Variants in SLC30A9 observed in about 807,000 individuals in gnomAD.
SLC30A9 encodes proton-coupled zinc antiporter SLC30A9, mitochondrial.
A neutral mutation model predicts 87.5 loss-of-function variants in SLC30A9; 58 were observed. The ratio of observed to expected loss-of-function variants is 0.66; its 90% CI spans 0.54 to 0.82. The LOEUF is 0.82. Among genes scored for constraint, SLC30A9 ranks in the 40% least tolerant of loss-of-function variants. The pLI, the probability that SLC30A9 is intolerant of heterozygous loss-of-function variation, is 0.00. For missense variants in SLC30A9, 557 were observed against 679.1 expected, an observed-to-expected ratio of 0.82 and a Z score of 2.00; for synonymous variants, 234 against 233.0, an observed-to-expected ratio of 1.00 and a Z score of -0.04.
chr4:42,049,370 CTT>C lies in SLC30A9; in HGVS notation c.738-6_738-5del, dbSNP rs755546053. 1.3e-6 allele frequency: 2 copies of C among 1,580,016 alleles called. No individual in the cohort carries two copies. Among genetic ancestry groups the C allele is most frequent in the Admixed American group, 3.5e-5 (2 of 57,288 alleles). On this transcript the variant is annotated splice_region_variant and splice_polypyrimidine_tract_variant and intron_variant, in intron 8 of 17. Coordinates refer to ENST00000264451, the MANE Select transcript of SLC30A9 (RefSeq NM_006345.4). Reference sequence around the variant, plus strand: ...CTATGCTAAATTGTTTTCTCTTTCTCTTCTAGCAATGGATTAAACTGCTTCTT... The same window carrying C: ...CTATGCTAAATTGTTTTCTCTTTCTCCTAGCAATGGATTAAACTGCTTCTT...
Position 42,070,679 on chromosome 4 carries a change from A to G in SLC30A9, c.1406A>G (p.Asp469Gly). The G allele has an allele frequency of 6.2e-7, 1 of 1,613,462 alleles. No homozygotes were observed. The highest frequency in any genetic ancestry group is 8.5e-7 in the Non-Finnish European group (1 of 1,179,624). ...VQRLTELLEN[D>G]PSVRAIHDVK... is the part of the protein sequence containing the mutation. ...CGGCTCACTGAACTCCTGGAGAATG[A>G]CCCATCAGTAAGGTCAGCCTTATTC... is the stretch of plus-strand genomic sequence containing the variant. Residue 469 changes from aspartate to glycine, a missense_variant, in exon 15 of 18, where the codon GAC becomes GGC. This residue lies in a region of SLC30A9 where 90 missense variants were observed against 149.4 expected (regional missense o/e 0.60). Transcript: ENST00000264451.
At chr4:42,010,007 C>T (rs987756054) in intron 2 of SLC30A9, among the ~76,000 whole-genome samples, 3 of 151,934 alleles carry the variant, frequency 2.0e-5, no homozygotes, top group African/African-American at 7.3e-5. Context: ...TGCTGTGTAG[C>T]GAGACAAAAA....
intron 2 of SLC30A9, among the ~76,000 whole-genome samples, chr4:42,009,863 T>C (rs1284631840): frequency 6.6e-6 from 1 of 152,206 alleles, no homozygotes; most frequent in East Asian, 1.9e-4. Context: ...TGTTTGGACA[T>C]TAGGTAAGTT....
intron 16 of SLC30A9, among the ~76,000 whole-genome samples, chr4:42,077,486 C>T (rs947388042): frequency 6.6e-6 from 1 of 152,102 alleles, no homozygotes; most frequent in African/African-American, 2.4e-5. Flanking sequence ...CTCACTGCAA[C>T]CTCCGCCCCC....
intron 2 of SLC30A9, among the ~76,000 whole-genome samples, chr4:42,015,864 C>G (rs1417218098): frequency 6.6e-6 from 1 of 151,618 alleles, no homozygotes; most frequent in Non-Finnish European, 1.5e-5. Flanking sequence ...TTTTTACCAC[C>G]TAGAAAAATA....
intron 17 of SLC30A9, among the ~76,000 whole-genome samples, chr4:42,079,193 GAGTTAT>G (rs1406645920): frequency 6.6e-6 from 1 of 151,882 alleles, no homozygotes; most frequent in Non-Finnish European, 1.5e-5. Context: ...TTATTTATTT[GAGTTAT>G]AGTTATTGAT....
chr4:42,081,189 G>A (rs926680567), intron 17 of SLC30A9, among the ~76,000 whole-genome samples: 9 of 152,160 alleles, frequency 5.9e-5, no homozygotes, highest in African/African-American at 2.2e-4. Context: ...AATCAAAGAA[G>A]TACTTTTACG....
At chr4:42,078,564 G>A in intron 17 of SLC30A9, 1 of 273,976 alleles carries the variant, frequency 3.6e-6, no homozygotes, top group South Asian at 1.1e-4. Context: ...ACTATTTTAT[G>A]CAGCCTGCTT....
chr4:42,076,104 A>T (rs1718540201), intron 16 of SLC30A9, among the ~76,000 whole-genome samples: 1 of 152,170 alleles, frequency 6.6e-6, no homozygotes, highest in African/African-American at 2.4e-5. Context: ...GAGATTAAGT[A>T]ATTTGCCTTA....
intron 8 of SLC30A9, among the ~76,000 whole-genome samples, chr4:42,041,737 AAAAT>A (rs1253137115): frequency 1.3e-5 from 2 of 152,196 alleles, no homozygotes. Flanking sequence ...CTGTCTTTAA[AAAAT>A]AAATAGCCAG....
At chr4:42,038,952 G>A (rs766738130) in intron 7 of SLC30A9, 34 bp from the exon 8 acceptor site, 2 of 1,555,402 alleles carry the variant, frequency 1.3e-6, no homozygotes, top group Admixed American at 3.3e-5. Flanking sequence ...GCAAAATTTT[G>A]GAGGTATTAA....
chr4:42,041,394 C>T (rs1353497210), intron 8 of SLC30A9, among the ~76,000 whole-genome samples: 3 of 152,080 alleles, frequency 2.0e-5, no homozygotes, highest in Non-Finnish European at 2.9e-5. Flanking sequence ...AAGCGATTCT[C>T]CTTGCCTCAG....
chr4:42,063,801 G>A (rs768164422), intron 11 of SLC30A9, among the ~76,000 whole-genome samples: 2 of 151,782 alleles, frequency 1.3e-5, no homozygotes, highest in Non-Finnish European at 2.9e-5. Context: ...TGGCTGCTCT[G>A]GCTATGGCTG....
intron 17 of SLC30A9, among the ~76,000 whole-genome samples, chr4:42,080,490 G>C (rs1718710636): frequency 6.6e-6 from 1 of 152,202 alleles, no homozygotes; most frequent in Non-Finnish European, 1.5e-5. Flanking sequence ...GCAATGAAGT[G>C]TGACAGTAGC....
chr4:42,067,114 GTGA>G lies in SLC30A9; in HGVS notation c.1176_1178del (p.Ile393del). On this transcript the variant is annotated inframe_deletion, in exon 14 of 18. Transcript: ENST00000264451. ...GGAAAGTCGTGATCCTAGTACAAAT[GTGA>G]TATTATTGGAGGATACTGCTGCAGT... 5 of 1,612,388 alleles carry G rather than the reference GTGA, an allele frequency of 3.1e-6. No homozygotes were observed. Among genetic ancestry groups the G allele is most frequent in the Non-Finnish European group, 4.2e-6 (5 of 1,178,712 alleles).
rs772591530 is a variant in SLC30A9 at position 42,020,457 on chromosome 4, A to G, written c.376A>G (p.Thr126Ala). Reference sequence around the variant, plus strand: ...GAAAAGGGAGTATGGCTCAAAGTACACTCAGAATAATTTCATCACTGGAGT... The same window carrying G: ...GAAAAGGGAGTATGGCTCAAAGTACGCTCAGAATAATTTCATCACTGGAGT... ...LKKREYGSKY[T>A]QNNFITGVRA... Residue 126 changes from threonine to alanine, a missense_variant, in exon 4 of 18, where the codon ACT (threonine) becomes GCT (alanine). Coordinates refer to ENST00000264451, the MANE Select transcript of SLC30A9 (RefSeq NM_006345.4). The G allele has an allele frequency of 4.4e-6, 7 of 1,599,518 alleles. No homozygotes were observed. The highest frequency in any genetic ancestry group is 6.0e-6 in the Non-Finnish European group (7 of 1,168,222).
chr4:42,023,462 G>C, intron 6 of SLC30A9, 78 bp downstream of exon 6: 1 of 908,958 alleles, frequency 1.1e-6, no homozygotes, highest in East Asian at 2.5e-5. Context: ...GAACTCTCTA[G>C]TGCTAGCATA....
intron 1 of SLC30A9, among the ~76,000 whole-genome samples, chr4:42,000,331 A>G (rs750673737): frequency 7.2e-5 from 11 of 152,146 alleles, no homozygotes; most frequent in Non-Finnish European, 1.5e-4. Context: ...GCCAGGATGA[A>G]GAAGATGCTT....
chr4:42,079,922 T>C (rs1718693950), intron 17 of SLC30A9, among the ~76,000 whole-genome samples: 1 of 152,198 alleles, frequency 6.6e-6, no homozygotes, highest in African/African-American at 2.4e-5. Context: ...AGCCCACATT[T>C]TTATATAAAT....
Sources: allele counts gnomAD v4.1 joint callset (sites outside exome capture counted in the v4.1 genomes callset), GRCh38; gene constraint gnomAD v4.1.1; regional missense constraint gnomAD v4.1.1; transcripts MANE v1.5; gene names NCBI Gene and HGNC (gene_info 2026-07-23, HGNC 2026-07-21).